The following NAALADL2 variants were observed in gnomAD, a reference collection of about 807,000 sequenced individuals.
NAALADL2 encodes N-acetylated alpha-linked acidic dipeptidase like 2.
A neutral mutation model predicts 87.2 loss-of-function variants in NAALADL2; 76 were observed. The observed-to-expected ratio is 0.87, with a 90% confidence interval of 0.72 to 1.05. The LOEUF is 1.05. NAALADL2 is among the 50% of genes least tolerant of loss of function. NAALADL2 has a pLI of 0.00. For missense variants in NAALADL2, 1,089 were observed against 945.8 expected, an observed-to-expected ratio of 1.15 and a Z score of -1.99; for synonymous variants, 354 against 331.0, an observed-to-expected ratio of 1.07 and a Z score of -0.75.
intron 1 of NAALADL2, among the ~76,000 whole-genome samples, chr3:174,937,162 C>T (rs1737816940): frequency 6.6e-6 from 1 of 151,996 alleles, no homozygotes; most frequent in South Asian, 2.1e-4. Flanking sequence ...AATGTCTGTA[C>T]CAGTCTCACC....
intron 2 of NAALADL2, among the ~76,000 whole-genome samples, chr3:175,202,216 G>A (rs1190875940): frequency 6.6e-6 from 1 of 152,048 alleles, no homozygotes; most frequent in Non-Finnish European, 1.5e-5. Flanking sequence ...AGGAAGTGAG[G>A]TTTGCAGCTG....
chr3:175,583,305 T>C (rs915415371), intron 10 of NAALADL2, among the ~76,000 whole-genome samples: 2 of 152,138 alleles, frequency 1.3e-5, no homozygotes, highest in Non-Finnish European at 2.9e-5. Flanking sequence ...TTTCACACCA[T>C]CATAAAGTGG....
intron 2 of NAALADL2, among the ~76,000 whole-genome samples, chr3:174,726,937 C>T (rs1578697561): frequency 6.6e-6 from 1 of 152,154 alleles, no homozygotes; most frequent in East Asian, 1.9e-4. Context: ...ACAACTTAGG[C>T]AGAATCATTT....
At chr3:174,533,626 GGA>G (rs1491286785) in intron 1 of NAALADL2, among the ~76,000 whole-genome samples, 4 of 24,646 alleles carry the variant, frequency 1.6e-4, no homozygotes, top group Non-Finnish European at 3.6e-4. Flanking sequence ...GAAATTAGTT[GGA>G]AAAAAAAAAA....
intron 5 of NAALADL2, among the ~76,000 whole-genome samples, chr3:175,373,349 G>A (rs1041860338): frequency 6.6e-5 from 10 of 152,062 alleles, no homozygotes; most frequent in African/African-American, 1.7e-4. Context: ...TCTAACCGCT[G>A]ATCTAATTTG....
At chr3:175,594,813 G>C (rs1031359155) in intron 10 of NAALADL2, among the ~76,000 whole-genome samples, 2 of 152,028 alleles carry the variant, frequency 1.3e-5, no homozygotes, top group African/African-American at 4.8e-5. Context: ...TTTGAGAAGT[G>C]TCTGTTCATG....
At chr3:175,167,041 T>C (rs2108882587) in intron 2 of NAALADL2, among the ~76,000 whole-genome samples, 1 of 152,202 alleles carries the variant, frequency 6.6e-6, no homozygotes, top group East Asian at 1.9e-4. Flanking sequence ...TTTAAGTTCT[T>C]TCTAGTGCTG....
intron 1 of NAALADL2, among the ~76,000 whole-genome samples, chr3:174,542,877 T>A (rs1026725267): frequency 6.6e-6 from 1 of 152,200 alleles, no homozygotes; most frequent in African/African-American, 2.4e-5. Flanking sequence ...TGCCTCATTA[T>A]GAGAATAATT....
intron 1 of NAALADL2, among the ~76,000 whole-genome samples, chr3:174,864,645 A>G (rs1175992263): frequency 3.9e-5 from 6 of 152,066 alleles, no homozygotes; most frequent in Admixed American, 3.9e-4. Context: ...AAAAGTTTGA[A>G]TCTGTTTTTG....
At chr3:175,224,641 G>A (rs1280601312) in intron 2 of NAALADL2, among the ~76,000 whole-genome samples, 1 of 152,026 alleles carries the variant, frequency 6.6e-6, no homozygotes, top group Non-Finnish European at 1.5e-5. Context: ...AATTCATTAG[G>A]TTCAGTAGAC....
chr3:175,389,018 A>T (rs1768761009), intron 5 of NAALADL2, among the ~76,000 whole-genome samples: 1 of 152,124 alleles, frequency 6.6e-6, no homozygotes, highest in African/African-American at 2.4e-5. Flanking sequence ...CATTCTGTTC[A>T]TTAAGATAAT....
intron 2 of NAALADL2, among the ~76,000 whole-genome samples, chr3:174,604,969 T>C (rs559291016): frequency 6.6e-6 from 1 of 152,052 alleles, no homozygotes; most frequent in East Asian, 1.9e-4. Context: ...TCCAGGCTGA[T>C]CTTGAACTCC....
At chr3:175,371,371 C>G (rs954332199) in intron 5 of NAALADL2, among the ~76,000 whole-genome samples, 1 of 151,962 alleles carries the variant, frequency 6.6e-6, no homozygotes, top group South Asian at 2.1e-4. Context: ...GGGTTCTCGC[C>G]GTTCTCCTGC....
chr3:175,094,914 A>G (rs1720859137), intron 1 of NAALADL2, among the ~76,000 whole-genome samples: 1 of 151,964 alleles, frequency 6.6e-6, no homozygotes, highest in Non-Finnish European at 1.5e-5. Flanking sequence ...TAACTCATAC[A>G]GACTATCCAC....
At chr3:174,819,425 A>G (rs546030992) in intron 3 of NAALADL2, among the ~76,000 whole-genome samples, 14 of 151,968 alleles carry the variant, frequency 9.2e-5, no homozygotes, top group Non-Finnish European at 1.8e-4. Context: ...ATAAACAATC[A>G]GCAAAAAAGC....
chr3:175,257,225 A>G (rs1750130669), intron 4 of NAALADL2: 1 of 147,734 alleles, frequency 6.8e-6, no homozygotes. Flanking sequence ...TAGTGTAGTT[A>G]TGTCAGCAAA....
intron 11 of NAALADL2, among the ~76,000 whole-genome samples, chr3:175,683,224 T>G (rs1735835269): frequency 6.6e-6 from 1 of 152,018 alleles, no homozygotes; most frequent in Admixed American, 6.5e-5. Flanking sequence ...TTTACCAAAG[T>G]AAAAATTTAT....
At chr3:174,774,405 C>T (rs1048724275) in intron 3 of NAALADL2, among the ~76,000 whole-genome samples, 4 of 152,194 alleles carry the variant, frequency 2.6e-5, no homozygotes, top group African/African-American at 9.7e-5. Flanking sequence ...AATCCCTTTC[C>T]TGAGGGGACC....
rs570242135 is a variant in NAALADL2, at chr3:174,802,007, C to A, written c.-9+64261C>A. On this transcript the variant is annotated intron_variant, in intron 3 of 3. Transcript: ENST00000434257. ...TAATTTAATCTGTGAATATTTTTACCCACATTTTAAAAATACCACAATTGG... is the reference window on the plus strand; with the variant it reads ...TAATTTAATCTGTGAATATTTTTACACACATTTTAAAAATACCACAATTGG... Among the ~76,000 whole-genome samples the A allele has an allele frequency of 1.5e-4, 23 of 151,890 alleles. No homozygotes were observed. The South Asian group carries it at 1.9e-3, about 12-fold the overall frequency.
Sources: allele counts gnomAD v4.1 joint callset (sites outside exome capture counted in the v4.1 genomes callset), GRCh38; gene constraint gnomAD v4.1.1; transcripts MANE v1.5; gene names NCBI Gene and HGNC (gene_info 2026-07-23, HGNC 2026-07-21).